Variants in FHIT observed in about 807,000 individuals in gnomAD.
FHIT encodes the protein fragile histidine triad diadenosine triphosphatase, also known as bis(5'-adenosyl)-triphosphatase.
A neutral mutation model predicts 17.9 loss-of-function variants in FHIT; 19 were observed. That is an observed-to-expected ratio of 1.06 (90% CI 0.74 to 1.56). FHIT has a LOEUF of 1.56. Among genes scored for constraint, FHIT ranks in the 40% most tolerant of loss-of-function variants. The probability of loss-of-function intolerance (pLI) is 0.00; values close to 1 mark genes in which losing one functional copy is unlikely to be tolerated. For missense variants in FHIT, 248 were observed against 189.2 expected (o/e 1.31, Z -1.82); for synonymous variants, 81 against 69.7 (o/e 1.16, Z -0.81).
chr3:59,855,929 C>T (rs939006778), intron 8 of FHIT, among the ~76,000 whole-genome samples: 14 of 133,770 alleles, frequency 1.0e-4, no homozygotes, highest in Non-Finnish European at 1.4e-4. Context: ...TACAGGCGCC[C>T]GCCACCACGC....
At chr3:60,678,110 G>T (rs929828158) in intron 4 of FHIT, among the ~76,000 whole-genome samples, 7 of 151,948 alleles carry the variant, frequency 4.6e-5, no homozygotes, top group South Asian at 4.2e-4. Context: ...CCAACTTTTT[G>T]TTTAACTTAT....
At chr3:59,835,430 C>T (rs890584268) in intron 8 of FHIT, among the ~76,000 whole-genome samples, 13 of 152,062 alleles carry the variant, frequency 8.5e-5, no homozygotes, top group South Asian at 4.1e-4. Flanking sequence ...AGTCTTTGTG[C>T]GAACCATTTC....
intron 5 of FHIT, among the ~76,000 whole-genome samples, chr3:60,124,550 T>G (rs924448975): frequency 6.6e-6 from 1 of 151,938 alleles, no homozygotes; most frequent in Non-Finnish European, 1.5e-5. Context: ...ATATGGGGAG[T>G]AGTGCTTCCC....
intron 4 of FHIT, among the ~76,000 whole-genome samples, chr3:60,584,968 AT>A (rs2037860769): frequency 6.6e-6 from 1 of 151,952 alleles, no homozygotes; most frequent in Non-Finnish European, 1.5e-5. Flanking sequence ...ATCATTTTGA[AT>A]TTATTTTTTC....
chr3:61,211,584 A>C (rs2106764280), intron 1 of FHIT, among the ~76,000 whole-genome samples: 2 of 152,312 alleles, frequency 1.3e-5, no homozygotes, highest in South Asian at 4.1e-4. Context: ...CAGGGCACAG[A>C]CAAACAAAAA....
intron 9 of FHIT, chr3:59,751,760 C>A (rs1032768866): frequency 1.3e-5 from 3 of 234,718 alleles, no homozygotes; most frequent in Non-Finnish European, 2.5e-5. Flanking sequence ...AGAGTCCACT[C>A]AGTGAAAGCA....
At chr3:60,127,272 A>C (rs1020858619) in intron 5 of FHIT, among the ~76,000 whole-genome samples, 2 of 152,196 alleles carry the variant, frequency 1.3e-5, no homozygotes, top group African/African-American at 4.8e-5. Context: ...CCAGACCTTT[A>C]GATAATTGAT....
rs567983116 is a variant in FHIT, at chr3:60,336,399, T to C, written c.103+200461A>G. On this transcript the variant is annotated intron_variant, in intron 5 of 9. Coordinates refer to ENST00000492590, the MANE Select transcript of FHIT (RefSeq NM_002012.4). The stretch of plus-strand genomic sequence containing the variant: ...AAGTAATCAGTCTCTTGAATGCCTA[T>C]GAAAAGAGTGGTTAAAAGTCAGCTG... Among the ~76,000 whole-genome samples the C allele has an allele frequency of 1.1e-3, 163 of 152,326 alleles. 5 individuals carry two copies. The highest frequency in any genetic ancestry group is 9.8e-4 in the Admixed American group (15 of 15,300).
chr3:60,281,881 A>G (rs1707474915), intron 5 of FHIT, among the ~76,000 whole-genome samples: 1 of 152,304 alleles, frequency 6.6e-6, no homozygotes, highest in East Asian at 1.9e-4. Flanking sequence ...TAAGAGAATG[A>G]AAGGACAAGG....
chr3:60,909,857 A>G (rs1246940666), intron 3 of FHIT, among the ~76,000 whole-genome samples: 1 of 152,092 alleles, frequency 6.6e-6, no homozygotes, highest in East Asian at 1.9e-4. Flanking sequence ...AAAACCAGAA[A>G]TTGACCTCCC....
chr3:60,714,021 G>C (rs1559662541), intron 4 of FHIT, among the ~76,000 whole-genome samples: 1 of 152,082 alleles, frequency 6.6e-6, no homozygotes, highest in Non-Finnish European at 1.5e-5. Context: ...GAACATTGAT[G>C]CAAAAATCCT....
intron 5 of FHIT, among the ~76,000 whole-genome samples, chr3:60,312,689 GTA>G (rs1278765708): frequency 6.6e-6 from 1 of 152,094 alleles, no homozygotes; most frequent in Admixed American, 6.6e-5. Flanking sequence ...CCTTTGAGAA[GTA>G]TGATTAAAAA....
intron 1 of FHIT, among the ~76,000 whole-genome samples, chr3:61,217,034 G>T (rs1194564487): frequency 6.6e-6 from 1 of 151,314 alleles, no homozygotes; most frequent in African/African-American, 2.4e-5. Context: ...TAGGAGATAT[G>T]CCTAATGCTA....
chr3:60,540,070 G>A (rs1402295333), intron 4 of FHIT, among the ~76,000 whole-genome samples: 2 of 152,080 alleles, frequency 1.3e-5, no homozygotes, highest in South Asian at 2.1e-4. Context: ...GGGGCTGAAG[G>A]TGAAGTTGAT....
At chr3:59,926,868 C>T (rs375347866) in intron 7 of FHIT, among the ~76,000 whole-genome samples, 2 of 152,280 alleles carry the variant, frequency 1.3e-5, no homozygotes. Flanking sequence ...CCCTCCTACA[C>T]TACTGGGGAT....
At chr3:60,466,137 T>C (rs912433344) in intron 5 of FHIT, among the ~76,000 whole-genome samples, 3 of 152,032 alleles carry the variant, frequency 2.0e-5, no homozygotes, top group African/African-American at 7.2e-5. Flanking sequence ...GTAGTTGATT[T>C]GTAGTTATTG....
chr3:60,923,874 T>C (rs201612598), intron 3 of FHIT, among the ~76,000 whole-genome samples: 2 of 152,200 alleles, frequency 1.3e-5, no homozygotes, highest in East Asian at 3.9e-4. Flanking sequence ...ACTGTGCTTT[T>C]CCAATGGTCT....
At chr3:60,131,342 T>G (rs1219687699) in intron 5 of FHIT, among the ~76,000 whole-genome samples, 1 of 131,268 alleles carries the variant, frequency 7.6e-6, no homozygotes, top group Non-Finnish European at 1.8e-5. Flanking sequence ...CTTTTTATGG[T>G]TTTTTTCCCA....
chr3:61,131,139 C>T (rs2036751946), intron 2 of FHIT, among the ~76,000 whole-genome samples: 1 of 152,160 alleles, frequency 6.6e-6, no homozygotes, highest in South Asian at 2.1e-4. Flanking sequence ...ATTTAAACAA[C>T]TCAACAGGTA....
Sources: allele counts gnomAD v4.1 joint callset (sites outside exome capture counted in the v4.1 genomes callset), GRCh38; gene constraint gnomAD v4.1.1; transcripts MANE v1.5; gene names NCBI Gene and HGNC (gene_info 2026-07-23, HGNC 2026-07-21).